HMCN1: variants seen among roughly 807,000 people sequenced by gnomAD.
The protein encoded by HMCN1 is hemicentin-1.
A neutral mutation model predicts 625.9 loss-of-function variants in HMCN1; 321 were observed. The ratio of observed to expected loss-of-function variants is 0.51; its 90% CI spans 0.47 to 0.56. The LOEUF (loss-of-function observed/expected upper bound fraction) is 0.56, where lower values mean the gene tolerates loss of function less well. Ranked by LOEUF, HMCN1 falls within the 20% of genes least tolerant of loss-of-function variation. The probability of loss-of-function intolerance (pLI) is 0.00; values close to 1 mark genes in which losing one functional copy is unlikely to be tolerated. For missense variants in HMCN1, 6,588 were observed against 6,887.3 expected (o/e 0.96, Z 1.54); for synonymous variants, 2,425 against 2,417.6 (o/e 1.00, Z -0.09).
intron 2 of HMCN1, among the ~76,000 whole-genome samples, chr1:185,852,306 G>A (rs1249432486): frequency 6.6e-6 from 1 of 151,802 alleles, no homozygotes; most frequent in Non-Finnish European, 1.5e-5. Context: ...GTATAAAACT[G>A]TAACTTTAAT....
intron 93 of HMCN1, among the ~76,000 whole-genome samples, chr1:186,148,538 T>C (rs1443595889): frequency 6.6e-6 from 1 of 152,146 alleles, no homozygotes; most frequent in East Asian, 1.9e-4. Flanking sequence ...AGACAGAGTC[T>C]CATTCTGTCA....
At chr1:185,975,983 A>T (rs1012476859) in intron 15 of HMCN1, among the ~76,000 whole-genome samples, 1 of 152,176 alleles carries the variant, frequency 6.6e-6, no homozygotes, top group African/African-American at 2.4e-5. Flanking sequence ...TCCAGTGGCC[A>T]TGAATAATGC....
At chr1:186,163,187 C>T (rs902261290) in intron 97 of HMCN1, among the ~76,000 whole-genome samples, 8 of 152,224 alleles carry the variant, frequency 5.3e-5, no homozygotes, top group Non-Finnish European at 8.8e-5. Context: ...CAGCCAGACT[C>T]CATGGGCATA....
chr1:186,077,761 T>G (rs1658919208), intron 54 of HMCN1, among the ~76,000 whole-genome samples: 2 of 152,216 alleles, frequency 1.3e-5, no homozygotes, highest in Non-Finnish European at 2.9e-5. Flanking sequence ...CAGCAAATGG[T>G]GTAAACTTCT....
intron 56 of HMCN1, 70 bp from the exon 57 acceptor site, chr1:186,082,795 A>G (rs2102384852): frequency 7.5e-6 from 6 of 804,612 alleles, no homozygotes; most frequent in Non-Finnish European, 1.2e-5. Context: ...TATTTATTCT[A>G]AAAAATAGAC....
At chr1:185,968,435 A>C (rs945104012) in intron 14 of HMCN1, among the ~76,000 whole-genome samples, 8 of 151,634 alleles carry the variant, frequency 5.3e-5, no homozygotes, top group African/African-American at 1.9e-4. Flanking sequence ...ATTTATTAAA[A>C]ATAAGTGAAT....
intron 70 of HMCN1, among the ~76,000 whole-genome samples, 186 bp from the exon 71 acceptor site, chr1:186,108,275 G>T (rs1446443984): frequency 6.6e-6 from 1 of 151,576 alleles, no homozygotes; most frequent in Non-Finnish European, 1.5e-5. Context: ...TTTACTTAGT[G>T]TACATGAAAT....
intron 11 of HMCN1, among the ~76,000 whole-genome samples, chr1:185,934,730 G>T (rs1015318008): frequency 1.3e-5 from 2 of 152,134 alleles, no homozygotes; most frequent in Non-Finnish European, 2.9e-5. Flanking sequence ...CTAGCTATTT[G>T]ATTGTGGTAT....
intron 14 of HMCN1, among the ~76,000 whole-genome samples, chr1:185,967,460 A>G (rs1238195894): frequency 2.6e-5 from 4 of 152,168 alleles, no homozygotes; most frequent in Admixed American, 2.6e-4. Flanking sequence ...TGTCCAAGTT[A>G]TGAACCAACA....
At chr1:186,150,894 C>CA (rs1267366299) in intron 93 of HMCN1, among the ~76,000 whole-genome samples, 1 of 151,500 alleles carries the variant, frequency 6.6e-6, no homozygotes, top group African/African-American at 2.4e-5. Context: ...TCACCACCAC[C>CA]AACATATTCT....
chr1:185,874,649 A>G (rs1663820286), intron 4 of HMCN1, among the ~76,000 whole-genome samples: 2 of 151,982 alleles, frequency 1.3e-5, no homozygotes, highest in African/African-American at 2.4e-5. Context: ...CAGAAGAAAA[A>G]TGTACTTTAA....
intron 2 of HMCN1, among the ~76,000 whole-genome samples, chr1:185,852,127 AG>A (rs1410198763): frequency 2.0e-5 from 3 of 152,002 alleles, no homozygotes; most frequent in Admixed American, 6.6e-5. Flanking sequence ...TTTCTATAGA[AG>A]AACAGTTGAT....
intron 36 of HMCN1, among the ~76,000 whole-genome samples, chr1:186,032,468 C>T (rs577483603): frequency 1.3e-4 from 20 of 152,080 alleles, no homozygotes; most frequent in East Asian, 3.9e-4. Flanking sequence ...GGGAGGGACC[C>T]GATGGGAGGT....
Position 186,082,971 on chromosome 1 carries a change from C to A in HMCN1, c.8884+10C>A. The A allele has an allele frequency of 2.0e-6, 3 of 1,537,030 alleles. No homozygotes were observed. Among genetic ancestry groups the A allele is most frequent in the Non-Finnish European group, 2.7e-6 (3 of 1,121,042 alleles). On this transcript the variant is annotated intron_variant, in intron 57 of 106. Transcript: ENST00000271588. ...AACCTCAATGTTCATGGTAAGAGCT[C>A]AGTTCCAAAACCATCTGTTAGGGTA... is the stretch of plus-strand genomic sequence containing the variant.
intron 86 of HMCN1, 68 bp downstream of exon 86, chr1:186,132,477 T>A: frequency 8.0e-7 from 1 of 1,246,302 alleles, no homozygotes; most frequent in Non-Finnish European, 1.1e-6. Context: ...GAGTATTTAT[T>A]TTCTTTAACT....
intron 11 of HMCN1, among the ~76,000 whole-genome samples, chr1:185,943,268 C>T (rs371744978): frequency 1.6e-4 from 25 of 152,152 alleles, no homozygotes; most frequent in African/African-American, 2.4e-4. Context: ...GAAGTATAGG[C>T]GACAAACTAT....
At chr1:186,086,861 TAG>T (rs1558211095) in intron 58 of HMCN1, among the ~76,000 whole-genome samples, 1 of 149,818 alleles carries the variant, frequency 6.7e-6, no homozygotes, top group Non-Finnish European at 1.5e-5. Flanking sequence ...GATAGATAGA[TAG>T]ATAGATTAGA....
chr1:185,903,571 A>C (rs927988618), intron 4 of HMCN1, among the ~76,000 whole-genome samples: 1 of 151,748 alleles, frequency 6.6e-6, no homozygotes, highest in African/African-American at 2.4e-5. Flanking sequence ...CTATTGTTAA[A>C]ACTCACTGTA....
chr1:185,880,611 G>A (rs930736595), intron 4 of HMCN1, among the ~76,000 whole-genome samples: 16 of 152,102 alleles, frequency 1.1e-4, no homozygotes, highest in Non-Finnish European at 2.1e-4. Context: ...TGCTGTTCCA[G>A]GCTGTAAACT....
Sources: allele counts gnomAD v4.1 joint callset (sites outside exome capture counted in the v4.1 genomes callset), GRCh38; gene constraint gnomAD v4.1.1; transcripts MANE v1.5; gene names NCBI Gene and HGNC (gene_info 2026-07-23, HGNC 2026-07-21).